Variants in IL4I1 observed in about 807,000 individuals in gnomAD.
The protein encoded by IL4I1 is interleukin 4 induced 1.
IL4I1 carries 24 observed loss-of-function variants against 29.7 expected under a neutral mutation model. That is an observed-to-expected ratio of 0.81 (90% CI 0.59 to 1.14). IL4I1 has a LOEUF of 1.14. Ranked by LOEUF, IL4I1 falls within the 50% of genes most tolerant of loss-of-function variation. The pLI is 0.00. For synonymous variants in IL4I1, 371 were observed against 352.5 expected (o/e 1.05, Z -0.59); for missense variants, 686 against 785.6 (o/e 0.87, Z 1.52).
rs2075115936 is a variant in IL4I1, at chr19:49,890,351, C to T, written c.1023G>A (p.Gln341=). 6.2e-7 allele frequency: 1 copy of T among 1,607,302 alleles called. No individual in the cohort carries two copies. Among genetic ancestry groups the T allele is most frequent in the African/African-American group, 1.3e-5 (1 of 74,834 alleles). Residue 341 remains glutamine (Q), a synonymous_variant, in exon 8 of 8, where the codon CAG becomes CAA. Transcript: ENST00000391826. Reference sequence around the variant, plus strand: ...CGTAGTGCAGCCTCCGCAGCGCCTCCTGCATGTGGCGGGGCAGCGGCGGCG... The same window carrying T: ...CGTAGTGCAGCCTCCGCAGCGCCTCTTGCATGTGGCGGGGCAGCGGCGGCG... The part of the protein sequence containing the change: ...TFSPPLPRHM[Q]EALRRLHYVP...
At chr19:49,912,386 C>G (rs2122634052) in intron 2 of IL4I1, among the ~76,000 whole-genome samples, 1 of 152,278 alleles carries the variant, frequency 6.6e-6, no homozygotes, top group Non-Finnish European at 1.5e-5. Flanking sequence ...CCAGGCTGGT[C>G]TTGAACTCCT....
intron 2 of IL4I1, chr19:49,909,282 C>T (rs745811720): frequency 1.9e-6 from 3 of 1,614,102 alleles, no homozygotes; most frequent in Non-Finnish European, 2.5e-6. Flanking sequence ...GAATTCCCTG[C>T]TGAGCCAATG....
intron 3 of IL4I1, 22 bp from the exon 4 acceptor site, chr19:49,895,202 G>A (rs374204829): frequency 7.5e-6 from 12 of 1,594,944 alleles, no homozygotes; most frequent in Non-Finnish European, 1.0e-5. Flanking sequence ...CGTGGGGCGA[G>A]GAGGGCCCTT....
intron 2 of IL4I1, among the ~76,000 whole-genome samples, chr19:49,926,883 TCTCA>T (rs2075906346): frequency 6.9e-6 from 1 of 144,792 alleles, no homozygotes; most frequent in African/African-American, 2.6e-5. Flanking sequence ...TGAGACGAGG[TCTCA>T]CTCTGTCACC....
chr19:49,923,359 T>A (rs894878048), intron 2 of IL4I1, among the ~76,000 whole-genome samples: 8 of 152,110 alleles, frequency 5.3e-5, no homozygotes, highest in African/African-American at 1.9e-4. Context: ...GCTGAGCAAC[T>A]CATTAGAAAA....
Position 49,890,614 on chromosome 19 carries a change from G to A in IL4I1, c.774-14C>T, listed in dbSNP as rs1029115031. The A allele has an allele frequency of 4.7e-6, 7 of 1,491,948 alleles. No individual in the cohort carries two copies. The highest frequency in any genetic ancestry group is 4.2e-5 in the Admixed American group (2 of 48,062). 92.4% of individuals were successfully genotyped at this position (1,491,948 alleles called of 1,614,324 possible). On this transcript the variant is annotated splice_polypyrimidine_tract_variant and intron_variant, in intron 7 of 7. Coordinates refer to ENST00000391826, the MANE Select transcript of IL4I1 (RefSeq NM_152899.2). ...ATGCGGCTGTACCTGCAGGCGGGGC[G>A]GGGCGGGGTGGGGGCGTGACCTGGG... is the stretch of plus-strand genomic sequence containing the variant.
chr19:49,902,951 C>T (rs910235835), intron 3 of IL4I1, among the ~76,000 whole-genome samples: 1 of 151,158 alleles, frequency 6.6e-6, no homozygotes, highest in Non-Finnish European at 1.5e-5. Flanking sequence ...CCTGTCTCTA[C>T]TAAAAATACG....
intron 2 of IL4I1, among the ~76,000 whole-genome samples, chr19:49,919,089 G>A (rs2075701367): frequency 6.6e-6 from 1 of 151,838 alleles, no homozygotes; most frequent in South Asian, 2.1e-4. Context: ...GGAGGCGGAG[G>A]TTGCAGTGAG....
At chr19:49,902,538 A>C (rs1226255268) in intron 3 of IL4I1, among the ~76,000 whole-genome samples, 2 of 152,044 alleles carry the variant, frequency 1.3e-5, no homozygotes, top group South Asian at 4.1e-4. Flanking sequence ...AAACAAAAAA[A>C]CAGTTTAGGC....
intron 2 of IL4I1, chr19:49,907,978 T>A: frequency 1.6e-6 from 1 of 634,674 alleles, no homozygotes; most frequent in East Asian, 3.1e-5. Context: ...AGGTGGGTGG[T>A]CGCAGTAGGT....
In IL4I1 at chr19:49,890,114, G is replaced by A; in HGVS notation, c.1260C>T (p.Leu420=). 1.3e-6 allele frequency: 2 copies of A among 1,543,806 alleles called. No individual in the cohort carries two copies. The highest frequency in any genetic ancestry group is 1.7e-6 in the Non-Finnish European group (2 of 1,145,350). The change falls in exon 8 of 8, where the codon CTC becomes CTT. Residue 420 remains leucine (L), a synonymous_variant. Transcript: ENST00000391826. ...LSREEALRLA[L]DDVAALHGPV... ...GCCCGTGCAATGCCGCCACGTCGTC[G>A]AGCGCCAAGCGCAACGCCTCTTCCC...
intron 2 of IL4I1, among the ~76,000 whole-genome samples, chr19:49,919,944 C>T (rs1407385927): frequency 6.6e-6 from 1 of 150,946 alleles, no homozygotes; most frequent in Non-Finnish European, 1.5e-5. Context: ...TTTTTTTTTT[C>T]TAAGACAAGG....
chr19:49,898,949 C>G (rs2075245568), upstream of IL4I1, among the ~76,000 whole-genome samples: 1 of 152,172 alleles, frequency 6.6e-6, no homozygotes, highest in Non-Finnish European at 1.5e-5. Flanking sequence ...TTGGAGATGG[C>G]GAGAGGGTGG....
chr19:49,916,087 C>G (rs2075616191), intron 2 of IL4I1, among the ~76,000 whole-genome samples: 1 of 152,234 alleles, frequency 6.6e-6, no homozygotes, highest in African/African-American at 2.4e-5. Flanking sequence ...CACACCGAGC[C>G]CTTCCTGGGT....
At chr19:49,919,553 A>G (rs2075713692) in intron 2 of IL4I1, among the ~76,000 whole-genome samples, 1 of 152,158 alleles carries the variant, frequency 6.6e-6, no homozygotes, top group Admixed American at 6.5e-5. Flanking sequence ...GGCAGTAGCT[A>G]AATGATTTGT....
chr19:49,927,861 G>T (rs996554541), intron 1 of IL4I1: 1 of 152,270 alleles, frequency 6.6e-6, no homozygotes, highest in Admixed American at 6.5e-5. Flanking sequence ...GGTGGAGGAG[G>T]GCCCAGTGCA....
At chr19:49,904,612 G>A (rs1208189190) in intron 2 of IL4I1, among the ~76,000 whole-genome samples, 1 of 152,032 alleles carries the variant, frequency 6.6e-6, no homozygotes, top group Non-Finnish European at 1.5e-5. Flanking sequence ...GCAGTGGCGC[G>A]ATCTTGGCTC....
At chr19:49,924,054 T>C (rs1230513164) in intron 2 of IL4I1, among the ~76,000 whole-genome samples, 1 of 151,966 alleles carries the variant, frequency 6.6e-6, no homozygotes, top group African/African-American at 2.4e-5. Context: ...ACGGTGCAGG[T>C]GCAGGCAGGA....
At chr19:49,891,719 C>G (rs1388782951) in intron 5 of IL4I1, among the ~76,000 whole-genome samples, 1 of 152,232 alleles carries the variant, frequency 6.6e-6, no homozygotes, top group South Asian at 2.1e-4. Context: ...TCGGCTGGCC[C>G]GGCTGGTCAC....
Sources: gnomAD v4.1 joint callset for allele counts (sites outside exome capture counted in the v4.1 genomes callset) on GRCh38, gnomAD v4.1.1 for gene constraint, MANE v1.5 for transcripts, NCBI Gene and HGNC (gene_info 2026-07-23, HGNC 2026-07-21) for gene names.